JDP2: variants seen among roughly 807,000 people sequenced by gnomAD.
JDP2 encodes the protein progesterone receptor co-activator.
Under a neutral mutation model 17.1 loss-of-function variants are expected in JDP2, and 9 were observed. The ratio of observed to expected loss-of-function variants is 0.53; its 90% confidence interval spans 0.32 to 0.92. The LOEUF (loss-of-function observed/expected upper bound fraction) is 0.92, where lower values mean the gene tolerates loss of function less well. Among genes scored for constraint, JDP2 ranks in the 40% least tolerant of loss-of-function variants. The pLI is 0.04. For missense variants in JDP2, 179 were observed against 220.0 expected, an observed-to-expected ratio of 0.81 and a Z score of 1.18; for synonymous variants, 107 against 95.6, an observed-to-expected ratio of 1.12 and a Z score of -0.69.
Position 75,437,958 on chromosome 14 carries a change from C to T in JDP2, c.38C>T (p.Thr13Ile). The T allele has an allele frequency of 6.2e-7, 1 of 1,613,210 alleles. No individual in the cohort carries two copies. The highest frequency in any genetic ancestry group is 8.5e-7 in the Non-Finnish European group (1 of 1,179,728). Residue 13 changes from threonine to isoleucine, a missense_variant, in exon 2 of 4, where the codon ACA becomes ATA. Transcript: ENST00000651602. ...CAGATCCCGGACCCTTCGGTGACCA[C>T]AGGCTCCCTGCCAGGGCTTGGCCCC... ...PGQIPDPSVT[T>I]GSLPGLGPLT...
chr14:75,467,838 C>G (rs529890921), intron 3 of JDP2, among the ~76,000 whole-genome samples: 1 of 152,142 alleles, frequency 6.6e-6, no homozygotes, highest in African/African-American at 2.4e-5. Flanking sequence ...ACCACCAGAG[C>G]TGGTTTTTAA....
Position 75,428,224 on chromosome 14 carries a change from G to A in JDP2, c.-52G>A, listed in dbSNP as rs1358950514. On this transcript the variant is annotated 5_prime_UTR_variant, in exon 1 of 4. Transcript: ENST00000651602. This position sits in a 1 kb window ranked among gnomAD's most constrained non-coding sequence, Gnocchi z 5.6. ...CTGCAGCCGGGCCCCGGCCCCGGGG[G>A]CGCCGCCTCCCCCCGCACCTTCTGC... The A allele has an allele frequency of 1.4e-5, 2 of 146,058 alleles. No individual in the cohort carries two copies. Among genetic ancestry groups the A allele is most frequent in the Non-Finnish European group, 3.0e-5 (2 of 65,720 alleles). The allele number at this position is 146,058 out of a possible 1,614,324, so 9.0% of individuals were successfully genotyped here.
intron 1 of JDP2, among the ~76,000 whole-genome samples, chr14:75,429,977 T>A (rs540715474): frequency 6.6e-6 from 1 of 152,236 alleles, no homozygotes; most frequent in South Asian, 2.1e-4. Flanking sequence ...TTCTCCTAGG[T>A]TGGCTGCAGC....
chr14:75,439,347 G>A (rs1885228530), intron 2 of JDP2, among the ~76,000 whole-genome samples: 1 of 152,222 alleles, frequency 6.6e-6, no homozygotes, highest in South Asian at 2.1e-4. Flanking sequence ...CCGGCTCAGT[G>A]TTTTAAAAGA....
intron 2 of JDP2, among the ~76,000 whole-genome samples, chr14:75,448,191 C>A (rs1453331318): frequency 6.6e-6 from 1 of 151,924 alleles, no homozygotes; most frequent in African/African-American, 2.4e-5. Flanking sequence ...AAATATATAC[C>A]GCCTTAACCT....
rs147011991 is a variant in JDP2, at chr14:75,447,529, G to T, written c.201+9408G>T. On this transcript the variant is annotated intron_variant, in intron 2 of 3. Transcript: ENST00000651602. The stretch of plus-strand genomic sequence containing the variant: ...TAACACCTTGGAGAGCACTGCCAAG[G>T]TGACAGCTGGTGCCAGGTTAATCTA... Among the ~76,000 whole-genome samples, 517 of 152,284 alleles carry T rather than the reference G, an allele frequency of 3.4e-3. 3 individuals carry two copies. The highest frequency in any genetic ancestry group is 0.011 in the African/African-American group (476 of 41,550).
chr14:75,445,643 T>C, intron 2 of JDP2: 1 of 920,076 alleles, frequency 1.1e-6, no homozygotes, highest in Non-Finnish European at 1.3e-6. Context: ...ACCTAGTACC[T>C]AGTACCATAT....
At chr14:75,436,962 G>A (rs1885091207) in intron 1 of JDP2, among the ~76,000 whole-genome samples, 1 of 152,178 alleles carries the variant, frequency 6.6e-6, no homozygotes, top group Non-Finnish European at 1.5e-5. Flanking sequence ...GGGAGGCCAA[G>A]GTGGGCAGAT....
chr14:75,469,460 G>T lies in JDP2; in HGVS notation c.477G>T (p.Gln159His). Residue 159 changes from glutamine to histidine, a missense_variant, in exon 4 of 4, where the codon CAG becomes CAT. Physicochemically the swap from Gln to His is conservative, Grantham distance 24. Coordinates refer to ENST00000651602, the MANE Select transcript of JDP2 (RefSeq NM_001135048.2). ...PESEGNPLLE[Q>H]LEKK is the part of the protein sequence containing the mutation. ...CAGAAGGCAACCCACTGCTCGAGCA[G>T]CTCGAGAAGAAGTGACCATGGGCTG... is the stretch of plus-strand genomic sequence containing the variant. 1 of 1,613,622 alleles carries T rather than the reference G, an allele frequency of 6.2e-7. No individual in the cohort carries two copies. Among genetic ancestry groups the T allele is most frequent in the Non-Finnish European group, 8.5e-7 (1 of 1,179,802 alleles).
rs112370934 is a variant in JDP2, at chr14:75,436,506, G to T, written c.-23-1392G>T. 2.8e-3 allele frequency among the ~76,000 whole-genome samples: 423 copies of T among 152,380 alleles called. 3 individuals are homozygous for T. Among genetic ancestry groups the T allele is most frequent in the Non-Finnish European group, 3.5e-3 (238 of 68,038 alleles). ...CCCTGGGCAGAAAGGTGAAAAGAGG[G>T]AGAAATGATTTCCTTTCCAGGACTA... On this transcript the variant is annotated intron_variant, in intron 1 of 3. Transcript: ENST00000651602.
intron 3 of JDP2, among the ~76,000 whole-genome samples, chr14:75,468,004 C>T (rs1018641402): frequency 2.6e-5 from 4 of 152,094 alleles, no homozygotes; most frequent in East Asian, 1.9e-4. Flanking sequence ...GGGAGGAAGA[C>T]GGGACCCCTG....
At chr14:75,432,254 T>C in intron 1 of JDP2, 7 of 1,480,836 alleles carry the variant, frequency 4.7e-6, no homozygotes, top group Admixed American at 4.0e-5. Context: ...GTCATTCAGA[T>C]TCCAAGAGAG....
chr14:75,445,682 G>A (rs913000443), intron 2 of JDP2: 2 of 752,524 alleles, frequency 2.7e-6, no homozygotes, highest in African/African-American at 1.9e-5. Flanking sequence ...TGGATCGAAG[G>A]CCTAAATGTA....
intron 1 of JDP2, among the ~76,000 whole-genome samples, chr14:75,435,979 C>G (rs1388961102): frequency 1.3e-5 from 2 of 152,130 alleles, no homozygotes; most frequent in Non-Finnish European, 2.9e-5. Flanking sequence ...ACTTCCCATT[C>G]CCAGGCACCT....
At chr14:75,455,137 C>G (rs563109531) in intron 2 of JDP2, among the ~76,000 whole-genome samples, 85 of 152,260 alleles carry the variant, frequency 5.6e-4, no homozygotes, top group Non-Finnish European at 1.1e-3. Flanking sequence ...TCTGGGCACA[C>G]AAATCTGCGT....
In JDP2 at chr14:75,437,998, C is replaced by A; in HGVS notation, c.78C>A (p.Pro26=). The A allele has an allele frequency of 1.2e-6, 2 of 1,613,774 alleles. No individual in the cohort carries two copies. The highest frequency in any genetic ancestry group is 8.5e-7 in the Non-Finnish European group (1 of 1,179,862). The change falls in exon 2 of 4, where the codon CCC becomes CCA. Residue 26 remains proline (P), a synonymous_variant. Transcript: ENST00000651602. ...LPGLGPLTGL[P]SSALTVEELK... ...GGCTTGGCCCCCTGACCGGGCTCCC[C>A]AGCTCGGCCCTGACTGTGGAGGAGC...
Position 75,469,424 on chromosome 14 carries a change from GA to G in JDP2, c.442del (p.Thr148ProfsTer68), listed in dbSNP as rs1566751207. Reference protein sequence around the residue: ...TCIVRTDSVKTPESEGNPLLE... With the variant: ...TCIVRTDSVKXPESEGNPLLE... ...GCATCGTCCGGACCGACAGTGTCAA[GA>G]CCCCCGAGTCAGAAGGCAACCCACT... On this transcript the variant is annotated frameshift_variant, in exon 4 of 4. Transcript: ENST00000651602. LOFTEE classifies it high-confidence loss of function. 14 of 1,614,148 alleles carry G rather than the reference GA, an allele frequency of 8.7e-6. No individual in the cohort carries two copies. Among genetic ancestry groups the G allele is most frequent in the Non-Finnish European group, 1.2e-5 (14 of 1,180,004 alleles).
At position 75,428,901 on chromosome 14, in the gene JDP2, C is replaced by T. The variant is rs890726295; in HGVS notation, c.-24+649C>T. On this transcript the variant is annotated intron_variant, in intron 1 of 3. Coordinates refer to ENST00000651602, the MANE Select transcript of JDP2 (RefSeq NM_001135048.2). This position sits in a 1 kb window ranked among gnomAD's most constrained non-coding sequence, Gnocchi z 5.6. ...CCCCTTTGGGCTCTCCTGTCTCCCA[C>T]GCCAGGTTATATAAGGAGGCAAGCA... Among the ~76,000 whole-genome samples the T allele has an allele frequency of 1.7e-4, 26 of 152,108 alleles. No homozygotes were observed. The highest frequency in any genetic ancestry group is 5.3e-4 in the African/African-American group (22 of 41,418).
intron 2 of JDP2, among the ~76,000 whole-genome samples, chr14:75,461,203 C>T (rs568638173): frequency 6.6e-6 from 1 of 152,312 alleles, no homozygotes; most frequent in East Asian, 1.9e-4. Context: ...GAATCCCTGC[C>T]CGTTTGGGCT....
Sources: allele counts gnomAD v4.1 joint callset (sites outside exome capture counted in the v4.1 genomes callset), GRCh38; gene constraint gnomAD v4.1.1; non-coding constraint Gnocchi (gnomAD v3.1); transcripts MANE v1.5; gene names NCBI Gene and HGNC (gene_info 2026-07-23, HGNC 2026-07-21).